BLTP1: variants seen among roughly 807,000 people sequenced by gnomAD.
BLTP1 encodes bridge-like lipid transfer protein family member 1.
At chr4:122,266,687 T>TAGG in the BLTP1 span, 1 of 1,089,422 alleles carries the variant, frequency 9.2e-7, no homozygotes, top group South Asian at 1.8e-5. Context: ...TGTACTGAGG[T>TAGG]AGGGTAAGAA....
chr4:122,250,670 C>T, the BLTP1 span: 4 of 1,163,224 alleles, frequency 3.4e-6, no homozygotes, highest in South Asian at 4.2e-5. Context: ...AGTGTATTTG[C>T]CTGTCTTTCC....
the BLTP1 span, among the ~76,000 whole-genome samples, chr4:122,219,980 G>A: frequency 2.6e-5 from 4 of 152,146 alleles, no homozygotes; most frequent in African/African-American, 4.8e-5. Context: ...GTTGAATTAT[G>A]TAGTTTGGAT....
the BLTP1 span, among the ~76,000 whole-genome samples, chr4:122,201,520 T>C: frequency 6.6e-6 from 1 of 152,188 alleles, no homozygotes; most frequent in Non-Finnish European, 1.5e-5. Flanking sequence ...CTAAATGTTA[T>C]TTTTATACTT....
chr4:122,250,163 T>C, the BLTP1 span: 45,696 of 325,476 alleles, frequency 0.14, 3,849 homozygotes, highest in Non-Finnish European at 0.17. Context: ...TATAATATAG[T>C]AACTACTATA....
chr4:122,283,406 A>G, the BLTP1 span, among the ~76,000 whole-genome samples: 16 of 152,154 alleles, frequency 1.1e-4, no homozygotes, highest in Non-Finnish European at 1.6e-4. Context: ...TGAGTTTTCT[A>G]TTCTGCTTCA....
the BLTP1 span, among the ~76,000 whole-genome samples, chr4:122,165,121 G>A: frequency 8.6e-5 from 13 of 151,940 alleles, no homozygotes; most frequent in African/African-American, 3.1e-4. Context: ...TGCATAACGT[G>A]CAGGTTAGTT....
chr4:122,162,508 G>A, the BLTP1 span: 1 of 985,352 alleles, frequency 1.0e-6, no homozygotes, highest in Non-Finnish European at 1.2e-6. Flanking sequence ...TAATCAACCA[G>A]TTCTTTCCAA....
the BLTP1 span, chr4:122,189,506 TTAA>T: frequency 1.2e-6 from 1 of 862,634 alleles, no homozygotes; most frequent in Non-Finnish European, 1.4e-6. Context: ...TTTTTATTAT[TTAA>T]TGTTTTTGAA....
chr4:122,315,998 A>G, the BLTP1 span, among the ~76,000 whole-genome samples: 1 of 152,174 alleles, frequency 6.6e-6, no homozygotes, highest in South Asian at 2.1e-4. Context: ...TGAGTGATGA[A>G]AATATTCCCA....
chr4:122,211,815 T>A, the BLTP1 span, among the ~76,000 whole-genome samples: 1 of 152,188 alleles, frequency 6.6e-6, no homozygotes, highest in South Asian at 2.1e-4. Flanking sequence ...GAAATCACTC[T>A]TATTCTTTTG....
At chr4:122,244,950 T>G in the BLTP1 span, 1 of 1,543,992 alleles carries the variant, frequency 6.5e-7, no homozygotes. Context: ...CGTTTCATGA[T>G]ATGTTTACAT....
the BLTP1 span, chr4:122,286,701 T>C: frequency 6.2e-7 from 1 of 1,614,018 alleles, no homozygotes; most frequent in African/African-American, 1.3e-5. Flanking sequence ...ATGATAGTTA[T>C]TCGGATCAGG....
At chr4:122,226,663 T>A in the BLTP1 span, 1 of 1,609,780 alleles carries the variant, frequency 6.2e-7, no homozygotes, top group Non-Finnish European at 8.5e-7. Context: ...AACCCTTGTT[T>A]AGAATGCTAA....
chr4:122,239,238 T>G, the BLTP1 span, among the ~76,000 whole-genome samples: 4 of 152,152 alleles, frequency 2.6e-5, no homozygotes, highest in Non-Finnish European at 5.9e-5. Context: ...TATAAGTGCA[T>G]TAGTGTCCAT....
At chr4:122,348,671 C>A in the BLTP1 span, 1 of 1,611,510 alleles carries the variant, frequency 6.2e-7, no homozygotes, top group Non-Finnish European at 8.5e-7. Context: ...CAACTTGAAG[C>A]AATTAAACGT....
the BLTP1 span, among the ~76,000 whole-genome samples, chr4:122,233,091 T>C: frequency 1.3e-5 from 2 of 152,202 alleles, no homozygotes; most frequent in Non-Finnish European, 2.9e-5. Context: ...ATTACAAATA[T>C]ACATAATCAG....
the BLTP1 span, chr4:122,209,260 T>C: frequency 6.2e-7 from 1 of 1,613,156 alleles, no homozygotes; most frequent in Non-Finnish European, 8.5e-7. Flanking sequence ...AGATGATTCA[T>C]GATACTGGTA....
the BLTP1 span, among the ~76,000 whole-genome samples, chr4:122,300,210 A>C: frequency 2.6e-5 from 4 of 152,076 alleles, no homozygotes; most frequent in East Asian, 7.8e-4. Context: ...GGGTTTCTCC[A>C]TGTTGGCCAG....
chr4:122,180,018 G>T, the BLTP1 span: 1 of 951,182 alleles, frequency 1.1e-6, no homozygotes, highest in African/African-American at 2.1e-5. Flanking sequence ...TCATATACAC[G>T]TGCATGTACA....
Sources: gnomAD v4.1 joint callset for allele counts (sites outside exome capture counted in the v4.1 genomes callset) on GRCh38, gnomAD v4.1.1 for gene constraint, MANE v1.5 for transcripts, NCBI Gene and HGNC (gene_info 2026-07-23, HGNC 2026-07-21) for gene names.